ZC3H18: variants seen among roughly 807,000 people sequenced by gnomAD.
The protein encoded by ZC3H18 is zinc finger CCCH domain-containing protein 18.
ZC3H18 carries 8 observed loss-of-function variants against 106.1 expected under a neutral mutation model. The ratio of observed to expected loss-of-function variants is 0.08; its 90% CI spans 0.04 to 0.14. The LOEUF (loss-of-function observed/expected upper bound fraction) is 0.14, where lower values mean the gene tolerates loss of function less well. Ranked by LOEUF, ZC3H18 falls within the 10% of genes least tolerant of loss-of-function variation. The pLI is 1.00. For missense variants in ZC3H18, 1,318 were observed against 1,278.4 expected (o/e 1.03, Z -0.47); for synonymous variants, 635 against 522.1 (o/e 1.22, Z -2.95).
intron 2 of ZC3H18, among the ~76,000 whole-genome samples, chr16:88,581,867 T>C (rs1915152935): frequency 1.3e-5 from 2 of 152,214 alleles, no homozygotes; most frequent in South Asian, 4.1e-4. Context: ...TGATTTGCCG[T>C]TACAGTTGAG....
At chr16:88,590,091 T>C (rs1915655162) in intron 3 of ZC3H18, among the ~76,000 whole-genome samples, 1 of 152,190 alleles carries the variant, frequency 6.6e-6, no homozygotes, top group African/African-American at 2.4e-5. Context: ...GAGACCAGCC[T>C]GGGCAACATT....
intron 2 of ZC3H18, among the ~76,000 whole-genome samples, chr16:88,583,505 A>T (rs1915260512): frequency 6.6e-6 from 1 of 152,234 alleles, no homozygotes; most frequent in African/African-American, 2.4e-5. Flanking sequence ...AGATCAGGTG[A>T]CCTGTCCACA....
chr16:88,577,761 C>G, intron 2 of ZC3H18, 35 bp downstream of exon 2: 1 of 1,611,956 alleles, frequency 6.2e-7, no homozygotes, highest in Non-Finnish European at 8.5e-7. Context: ...GCGGGGCATC[C>G]TGCCCAGCAG....
intron 17 of ZC3H18, 139 bp downstream of exon 17, chr16:88,630,720 G>A (rs1394721227): frequency 3.1e-6 from 2 of 642,902 alleles, no homozygotes; most frequent in Non-Finnish European, 5.3e-6. Context: ...CTGACGGGGT[G>A]AGGGGCATGG....
chr16:88,625,103 G>A, intron 12 of ZC3H18, 99 bp from the exon 13 acceptor site: 2 of 1,406,108 alleles, frequency 1.4e-6, no homozygotes, highest in East Asian at 2.5e-5. Flanking sequence ...AGCAAGGCCA[G>A]TCTGGAGGCT....
chr16:88,588,580 A>T (rs1915568955), intron 3 of ZC3H18, among the ~76,000 whole-genome samples: 1 of 152,180 alleles, frequency 6.6e-6, no homozygotes, highest in African/African-American at 2.4e-5. Flanking sequence ...GGTTGGTCAG[A>T]ATTGGAAGGT....
chr16:88,614,461 A>G (rs1342771514), intron 8 of ZC3H18, among the ~76,000 whole-genome samples: 1 of 152,234 alleles, frequency 6.6e-6, no homozygotes, highest in Non-Finnish European at 1.5e-5. Flanking sequence ...AGGACTTCGC[A>G]GGCCTTTGTT....
chr16:88,576,010 C>G (rs560315128), intron 1 of ZC3H18, among the ~76,000 whole-genome samples: 6 of 152,326 alleles, frequency 3.9e-5, no homozygotes, highest in African/African-American at 1.4e-4. Flanking sequence ...ACGCCTTTCT[C>G]CTGCCTCAGC....
At chr16:88,616,279 G>T (rs1191140114) in intron 8 of ZC3H18, among the ~76,000 whole-genome samples, 1 of 152,118 alleles carries the variant, frequency 6.6e-6, no homozygotes, top group Non-Finnish European at 1.5e-5. Flanking sequence ...TCACCAAACT[G>T]GGCCGAGCCG....
intron 1 of ZC3H18, among the ~76,000 whole-genome samples, chr16:88,574,804 G>A (rs947614702): frequency 6.9e-6 from 1 of 145,230 alleles, no homozygotes; most frequent in Non-Finnish European, 1.5e-5. Context: ...ATGAACCACC[G>A]CACCTGACCA....
Position 88,631,288 on chromosome 16 carries a change from G to A in ZC3H18, c.2851G>A (p.Gly951Arg), listed in dbSNP as rs1396773563. The A allele has an allele frequency of 1.9e-6, 3 of 1,586,804 alleles. No homozygotes were observed. Among genetic ancestry groups the A allele is most frequent in the Non-Finnish European group, 8.6e-7 (1 of 1,166,882 alleles). ...TGCACGCAAGCGGGCCAAGATCCCCGGGAAAGCATAGGCCGTGCCCCGACC... is the reference window on the plus strand; with the variant it reads ...TGCACGCAAGCGGGCCAAGATCCCCAGGAAAGCATAGGCCGTGCCCCGACC... ...AIARKRAKIPGKA is the reference protein window; with the variant it reads ...AIARKRAKIPRKA The change falls in exon 18 of 18, where the codon GGG (glycine) becomes AGG (arginine). Residue 951 changes from glycine to arginine, a missense_variant. Physicochemically the swap from Gly to Arg is moderately radical, Grantham distance 125. Transcript: ENST00000301011.
At chr16:88,612,989 C>G (rs1365472821) in intron 8 of ZC3H18, among the ~76,000 whole-genome samples, 1 of 152,100 alleles carries the variant, frequency 6.6e-6, no homozygotes, top group African/African-American at 2.4e-5. Context: ...GGTAATAGAG[C>G]AAGATTCTGT....
At chr16:88,613,203 G>A (rs1905369257) in intron 8 of ZC3H18, among the ~76,000 whole-genome samples, 1 of 152,178 alleles carries the variant, frequency 6.6e-6, no homozygotes, top group Non-Finnish European at 1.5e-5. Flanking sequence ...GTTGTAGCGT[G>A]GGTCAGTGCT....
chr16:88,580,202 GTGTGTGTA>G (rs72105097), intron 2 of ZC3H18, among the ~76,000 whole-genome samples: 16,343 of 100,082 alleles, frequency 0.16, 1,099 homozygotes, highest in Non-Finnish European at 0.22. Context: ...GTGTGTGTGT[GTGTGTGTA>G]TATGTATATG....
At chr16:88,615,089 C>T (rs904905105) in intron 8 of ZC3H18, among the ~76,000 whole-genome samples, 4 of 150,084 alleles carry the variant, frequency 2.7e-5, no homozygotes, top group African/African-American at 9.9e-5. Flanking sequence ...TGCTCCGTTC[C>T]CTCTGCCTGG....
At chr16:88,583,769 C>T (rs544238483) in intron 2 of ZC3H18, among the ~76,000 whole-genome samples, 1 of 152,324 alleles carries the variant, frequency 6.6e-6, no homozygotes, top group South Asian at 2.1e-4. Context: ...TCAACTTGGC[C>T]TGTCCCAGGT....
intron 3 of ZC3H18, among the ~76,000 whole-genome samples, chr16:88,597,692 T>C (rs1367363747): frequency 6.6e-6 from 1 of 152,218 alleles, no homozygotes; most frequent in Non-Finnish European, 1.5e-5. Flanking sequence ...GAGTTTTCTC[T>C]GTGAGAGAAA....
At chr16:88,599,720 C>G in intron 5 of ZC3H18, 71 bp from the exon 6 acceptor site, 1 of 1,539,794 alleles carries the variant, frequency 6.5e-7, no homozygotes, top group South Asian at 1.3e-5. Flanking sequence ...TGGGACGGCT[C>G]CCTTTGTGTT....
intron 9 of ZC3H18, 94 bp from the exon 10 acceptor site, chr16:88,623,125 C>T: frequency 1.3e-6 from 2 of 1,514,898 alleles, no homozygotes; most frequent in Non-Finnish European, 8.8e-7. Context: ...AGCTGTGCGT[C>T]TGTGGGTGTG....
Sources: gnomAD v4.1 joint callset for allele counts (sites outside exome capture counted in the v4.1 genomes callset) on GRCh38, gnomAD v4.1.1 for gene constraint, MANE v1.5 for transcripts, NCBI Gene and HGNC (gene_info 2026-07-23, HGNC 2026-07-21) for gene names.